RGL3: variants seen among roughly 807,000 people sequenced by gnomAD.
RGL3 encodes ral guanine nucleotide dissociation stimulator-like 3.
In RGL3, 85 loss-of-function variants were observed where a neutral mutation model predicts 90.6. That is an observed-to-expected ratio of 0.94 (90% confidence interval 0.79 to 1.12). The LOEUF is 1.12. RGL3 is among the 50% of genes most tolerant of loss of function. The pLI is 0.00. For synonymous variants in RGL3, 408 were observed against 385.5 expected (o/e 1.06, Z -0.68); for missense variants, 1,034 against 939.2 (o/e 1.10, Z -1.32).
chr19:11,405,425 C>A lies in RGL3; in HGVS notation c.998G>T (p.Arg333Leu). 1 of 1,489,754 alleles carries A rather than the reference C, an allele frequency of 6.7e-7. No individual in the cohort carries two copies. The highest frequency in any genetic ancestry group is 9.0e-7 in the Non-Finnish European group (1 of 1,105,596). The allele number at this position is 1,489,754 out of a possible 1,614,324, so 92.3% of individuals were successfully genotyped here. ...RLEKWIRIAQRCRELRNFSSL... is the reference protein window; with the variant it reads ...RLEKWIRIAQLCRELRNFSSL... ...GGAGAAGTTCCGCAGTTCTCGGCAG[C>A]GCTGCCAGGCGGTGGGGACGCAGGT... Residue 333 changes from arginine (R) to leucine (L), a missense_variant and splice_region_variant, in exon 8 of 19, where the codon CGC (arginine) becomes CTC (leucine). Coordinates refer to ENST00000380456, the MANE Select transcript of RGL3 (RefSeq NM_001035223.4).
chr19:11,405,280 C>T lies in RGL3; in HGVS notation c.1100+43G>A. The stretch of plus-strand genomic sequence containing the variant: ...TCAGGGGTCAGTGGCTTGGGAGGGT[C>T]AGACCTGGGATGGGCTGGGGAACAG... On this transcript the variant is annotated intron_variant, in intron 8 of 18. Coordinates refer to ENST00000380456, the MANE Select transcript of RGL3 (RefSeq NM_001035223.4). The T allele has an allele frequency of 2.5e-6, 4 of 1,612,420 alleles. No homozygotes were observed. In the South Asian group the frequency reaches 3.3e-5, roughly 13 times the overall value.
intron 5 of RGL3, among the ~76,000 whole-genome samples, chr19:11,412,957 C>A (rs1185139106): frequency 2.6e-5 from 4 of 151,926 alleles, no homozygotes; most frequent in Admixed American, 2.6e-4. Context: ...CAGAGCGAGA[C>A]TCTGTCTCAA....
At chr19:11,400,856 AAAATAAATAAATAAATAAAT>A (rs36155093) in intron 13 of RGL3, among the ~76,000 whole-genome samples, 30 of 145,588 alleles carry the variant, frequency 2.1e-4, no homozygotes, top group Admixed American at 8.5e-4. Context: ...CTCTGTCTCA[AAAATAAATAAATAAATAAAT>A]AAATAAATAA....
chr19:11,403,984 C>T (rs371936984), intron 9 of RGL3, among the ~76,000 whole-genome samples: 2 of 152,260 alleles, frequency 1.3e-5, no homozygotes, highest in African/African-American at 2.4e-5. Context: ...CAAGTTCAAG[C>T]GATCCTCCCT....
At chr19:11,408,650 AC>A (rs1266170196) in intron 5 of RGL3, 1 of 151,966 alleles carries the variant, frequency 6.6e-6, no homozygotes, top group Non-Finnish European at 1.5e-5. Context: ...GAATAATTTT[AC>A]TTTAGTGGAT....
At chr19:11,399,652 T>C (rs964417537) in intron 16 of RGL3, among the ~76,000 whole-genome samples, 10 of 151,170 alleles carry the variant, frequency 6.6e-5, no homozygotes, top group South Asian at 2.1e-4. Flanking sequence ...TGAGCACGAG[T>C]CGGATTTATG....
At position 11,400,234 on chromosome 19, in the gene RGL3, T is replaced by C. The variant is rs1022993350; in HGVS notation, c.1548A>G (p.Arg516=). 6.3e-7 allele frequency: 1 copy of C among 1,593,644 alleles called. No individual in the cohort carries two copies. Among genetic ancestry groups the C allele is most frequent in the Non-Finnish European group, 8.5e-7 (1 of 1,169,626 alleles). ...AASCPSSPRI[R]RRISLTKRLS... ...GACGCTTGGTGAGGCTGATCCGCCG[T>C]CGGATGCGTGGGGAGCTGGGGCAGG... The change falls in exon 14 of 19, where the codon CGA becomes CGG. Residue 516 remains arginine, a synonymous_variant. Transcript: ENST00000380456.
At chr19:11,403,193 G>A (rs1055464244) in intron 9 of RGL3, among the ~76,000 whole-genome samples, 5 of 150,964 alleles carry the variant, frequency 3.3e-5, no homozygotes, top group African/African-American at 7.3e-5. Context: ...CCCCCACCTC[G>A]CCCAGCTAAT....
chr19:11,396,619 G>T (rs1968577472), intron 18 of RGL3, among the ~76,000 whole-genome samples: 1 of 147,808 alleles, frequency 6.8e-6, no homozygotes, highest in Non-Finnish European at 1.5e-5. Flanking sequence ...CCTACAAATT[G>T]AAGGTCAGAA....
At position 11,406,619 on chromosome 19, in the gene RGL3, C is replaced by T; in HGVS notation, c.796G>A (p.Val266Met). ...GAGCCCAAGCACTCGTAGAGCCTCA[C>T]CTTGGAGAAGAGCTCCTGGGCCAGG... ...TLIDLELFSK[V>M]RLYECLGSVW... The change falls in exon 7 of 19, where the codon GTG (valine) becomes ATG (methionine). Residue 266 changes from valine (V) to methionine (M), a missense_variant. Coordinates refer to ENST00000380456, the MANE Select transcript of RGL3 (RefSeq NM_001035223.4). The T allele has an allele frequency of 1.3e-6, 2 of 1,558,440 alleles. No individual in the cohort carries two copies. The highest frequency in any genetic ancestry group is 1.7e-6 in the Non-Finnish European group (2 of 1,151,088).
chr19:11,417,470 C>CTTT (rs66697430), intron 2 of RGL3, among the ~76,000 whole-genome samples: 1,692 of 114,506 alleles, frequency 0.015, 83 homozygotes, highest in African/African-American at 0.049. Context: ...CCTAGCACCA[C>CTTT]TTTTTTTTTT....
intron 18 of RGL3, chr19:11,394,818 G>A (rs1341715726): frequency 9.2e-6 from 3 of 325,596 alleles, no homozygotes; most frequent in African/African-American, 2.2e-5. Flanking sequence ...GGCCGGGCGC[G>A]ATGCCTCGTG....
chr19:11,418,745 C>T lies in RGL3; in HGVS notation c.73G>A (p.Ala25Thr). 4 of 1,575,094 alleles carry T rather than the reference C, an allele frequency of 2.5e-6. No individual in the cohort carries two copies. Among genetic ancestry groups the T allele is most frequent in the Non-Finnish European group, 1.7e-6 (2 of 1,164,512 alleles). ...QDWGEETEDG[A>T]VYSVSLRRQR... ...CGCCGCAGGGAGACACTGTACACCG[C>T]GCCGTCCTCGGTCTCTTCACCCCAG... The change falls in exon 2 of 19, where the codon GCG (alanine) becomes ACG (threonine). Residue 25 changes from alanine to threonine, a missense_variant. Physicochemically the swap from Ala to Thr is moderately conservative, Grantham distance 58. Transcript: ENST00000380456.
At chr19:11,414,153 A>ACC (rs1162578447) in intron 5 of RGL3, among the ~76,000 whole-genome samples, 1 of 85,026 alleles carries the variant, frequency 1.2e-5, no homozygotes, top group East Asian at 5.7e-4. Flanking sequence ...ATATATATAT[A>ACC]TATATATATA....
intron 7 of RGL3, among the ~76,000 whole-genome samples, chr19:11,406,031 G>A (rs766542842): frequency 8.6e-5 from 13 of 151,596 alleles, no homozygotes; most frequent in Non-Finnish European, 1.9e-4. Context: ...GCCTGATCCC[G>A]TGACTTGTGA....
Position 11,414,490 on chromosome 19 carries a change from CATATATATATATAT to C in RGL3, c.637+1433_637+1446del, listed in dbSNP as rs57862666. ...ATATATATATATATATATACACCTTCATATATATATATATATATATATATATATATATATATATA... is the reference window on the plus strand; with the variant it reads ...ATATATATATATATATATACACCTTCATATATATATATATATATATATATA... On this transcript the variant is annotated intron_variant, in intron 5 of 18. Transcript: ENST00000380456. 8.7e-3 allele frequency among the ~76,000 whole-genome samples: 241 copies of C among 27,860 alleles called. 11 individuals carry two copies. The highest frequency in any genetic ancestry group is 0.049 in the Admixed American group (98 of 2,002). The allele number at this position is 27,860 out of a possible 152,430, so 18.3% of individuals were successfully genotyped here.
chr19:11,418,608 C>G (rs562621566), intron 2 of RGL3, 63 bp downstream of exon 2: 2 of 1,346,600 alleles, frequency 1.5e-6, no homozygotes, highest in African/African-American at 1.5e-5. Flanking sequence ...GTGCTCGGCT[C>G]TCCAGCTCCG....
At position 11,394,586 on chromosome 19, in the gene RGL3, G is replaced by T. The variant is rs1481164765; in HGVS notation, c.2015-66C>A. ...CTTGTGTCACCCCCACAGAGGACCC[G>T]GGAGCCTCCTGCCACTCACCCGCGA... On this transcript the variant is annotated intron_variant, in intron 18 of 18. Transcript: ENST00000380456. 15 of 1,251,336 alleles carry T rather than the reference G, an allele frequency of 1.2e-5. No individual in the cohort carries two copies. In the East Asian group the frequency reaches 2.1e-4, roughly 18 times the overall value. The allele number at this position is 1,251,336 out of a possible 1,614,324, so 77.5% of individuals were successfully genotyped here.
In RGL3 at chr19:11,407,937, C is replaced by T. The variant is rs142127916; in HGVS notation, c.638-1073G>A. ...CTGACCTCAAGTGATCTGCCTGCCT[C>T]GACTTCCCAAAGTGCTGGGATTGCA... On this transcript the variant is annotated intron_variant, in intron 5 of 18. Transcript: ENST00000380456. Among the ~76,000 whole-genome samples, 112 of 150,538 alleles carry T rather than the reference C, an allele frequency of 7.4e-4. 2 individuals are homozygous for T. In the East Asian group the frequency reaches 0.02, roughly 27 times the overall value.
Sources: allele counts gnomAD v4.1 joint callset (sites outside exome capture counted in the v4.1 genomes callset), GRCh38; gene constraint gnomAD v4.1.1; transcripts MANE v1.5; gene names NCBI Gene and HGNC (gene_info 2026-07-23, HGNC 2026-07-21).